Variants in WDR7 observed in about 807,000 individuals in gnomAD.
The protein encoded by WDR7 is WD repeat-containing protein 7.
In WDR7, 46 loss-of-function variants were observed where a neutral mutation model predicts 169.4. The observed-to-expected ratio is 0.27, with a 90% CI of 0.21 to 0.35. The LOEUF is 0.35. Ranked by LOEUF, WDR7 falls within the 10% of genes least tolerant of loss-of-function variation. WDR7 has a pLI of 1.00. For synonymous variants in WDR7, 612 were observed against 666.8 expected (o/e 0.92, Z 1.27); for missense variants, 1,534 against 1,859.3 (o/e 0.83, Z 3.22).
chr18:56,780,154 C>T (rs1010985823), intron 18 of WDR7, among the ~76,000 whole-genome samples: 1 of 152,160 alleles, frequency 6.6e-6, no homozygotes, highest in African/African-American at 2.4e-5. Flanking sequence ...GTACCTGACA[C>T]ATGGTAGGAG....
intron 15 of WDR7, among the ~76,000 whole-genome samples, chr18:56,757,623 ATATAAT>A (rs944086914): frequency 1.7e-4 from 26 of 152,168 alleles, no homozygotes; most frequent in African/African-American, 5.3e-4. Context: ...GCTCTTGTAA[ATATAAT>A]TATAAAATTG....
intron 2 of WDR7, among the ~76,000 whole-genome samples, chr18:56,678,234 C>T (rs1474735786): frequency 7.9e-5 from 12 of 152,188 alleles, no homozygotes; most frequent in Non-Finnish European, 1.8e-4. Flanking sequence ...AATTATCTGT[C>T]TGAACAGTCA....
At chr18:56,847,318 A>T (rs928468665) in intron 20 of WDR7, among the ~76,000 whole-genome samples, 2 of 152,358 alleles carry the variant, frequency 1.3e-5, no homozygotes, top group East Asian at 3.9e-4. Flanking sequence ...GTTGCAAGAC[A>T]TTCAAATAGT....
At chr18:56,983,515 G>C (rs2047673468) in intron 26 of WDR7, among the ~76,000 whole-genome samples, 1 of 151,784 alleles carries the variant, frequency 6.6e-6, no homozygotes, top group Non-Finnish European at 1.5e-5. Context: ...TTCTCTCCTA[G>C]TTAAAGTCTA....
At chr18:56,950,967 T>C (rs2047172534) in intron 25 of WDR7, among the ~76,000 whole-genome samples, 1 of 152,220 alleles carries the variant, frequency 6.6e-6, no homozygotes, top group Non-Finnish European at 1.5e-5. Flanking sequence ...TTCTGTAGGC[T>C]CAGGGCCCAT....
chr18:56,807,555 A>C (rs2044797191), intron 19 of WDR7, among the ~76,000 whole-genome samples: 1 of 152,146 alleles, frequency 6.6e-6, no homozygotes, highest in South Asian at 2.1e-4. Flanking sequence ...TCCCATTAAT[A>C]TTCTATTGAT....
Position 56,880,032 on chromosome 18 carries a change from A to T in WDR7, c.3393A>T (p.Gly1131=), listed in dbSNP as rs778313675. The part of the protein sequence containing the change: ...RKQATAIVLL[G]VIGAEFGAEI... ...AAGCTACCGCTATTGTTTTACTTGG[A>T]GTAATAGGAGCTGAATTTGGTGCTG... The change falls in exon 21 of 28, where the codon GGA becomes GGT. Residue 1131 remains glycine, a synonymous_variant. Transcript: ENST00000254442. 1.2e-6 allele frequency: 2 copies of T among 1,614,130 alleles called. No individual in the cohort carries two copies. Among genetic ancestry groups the T allele is most frequent in the Admixed American group, 1.7e-5 (1 of 60,012 alleles).
chr18:56,834,064 C>G (rs953168103), intron 20 of WDR7, among the ~76,000 whole-genome samples: 5 of 152,118 alleles, frequency 3.3e-5, no homozygotes, highest in Non-Finnish European at 5.9e-5. Context: ...CAATTCAGTT[C>G]CTTGCAGTTA....
chr18:56,974,362 CTTTT>C (rs34901751), intron 26 of WDR7, among the ~76,000 whole-genome samples: 1 of 111,812 alleles, frequency 8.9e-6, no homozygotes, highest in Non-Finnish European at 1.9e-5. Flanking sequence ...GCTTTTCTTG[CTTTT>C]TTTTTTTTTT....
At chr18:56,702,729 T>C (rs573338039) in intron 12 of WDR7, among the ~76,000 whole-genome samples, 5 of 152,224 alleles carry the variant, frequency 3.3e-5, no homozygotes, top group Non-Finnish European at 7.3e-5. Flanking sequence ...AGTAAAAATA[T>C]TAAAACCGAA....
intron 27 of WDR7, among the ~76,000 whole-genome samples, chr18:57,021,971 ACTT>A (rs1439615677): frequency 2.6e-5 from 4 of 152,240 alleles, no homozygotes; most frequent in Admixed American, 6.5e-5. Context: ...AATCTGTCAG[ACTT>A]CTTCTACTTT....
chr18:56,736,745 T>A (rs572351650), intron 14 of WDR7, among the ~76,000 whole-genome samples: 1 of 152,102 alleles, frequency 6.6e-6, no homozygotes, highest in African/African-American at 2.4e-5. Flanking sequence ...GAGCTGAGTA[T>A]AAGAAGTGGA....
At chr18:56,778,808 T>C (rs2044276492) in intron 17 of WDR7, among the ~76,000 whole-genome samples, 1 of 152,182 alleles carries the variant, frequency 6.6e-6, no homozygotes, top group South Asian at 2.1e-4. Flanking sequence ...AATTGTTAGG[T>C]TTTTATTTTG....
intron 20 of WDR7, among the ~76,000 whole-genome samples, chr18:56,842,511 A>G (rs1470224789): frequency 6.6e-6 from 1 of 152,168 alleles, no homozygotes; most frequent in African/African-American, 2.4e-5. Context: ...GCCATGTTGC[A>G]AGGTTTGATA....
chr18:56,700,160 A>G (rs1183857622), intron 12 of WDR7, among the ~76,000 whole-genome samples: 4 of 151,814 alleles, frequency 2.6e-5, no homozygotes, highest in East Asian at 1.9e-4. Context: ...AGTATTATGT[A>G]GAGTACTTAA....
intron 24 of WDR7, 49 bp downstream of exon 24, chr18:56,938,731 T>C: frequency 1.2e-6 from 2 of 1,600,020 alleles, no homozygotes; most frequent in Non-Finnish European, 1.7e-6. Context: ...AAATTAAATA[T>C]TCTAATGAAG....
intron 26 of WDR7, among the ~76,000 whole-genome samples, chr18:56,979,804 TAGA>T (rs1327084353): frequency 2.0e-5 from 3 of 152,248 alleles, no homozygotes; most frequent in South Asian, 2.1e-4. Flanking sequence ...TGGAGATAAT[TAGA>T]AGAACACTTT....
chr18:56,710,524 G>T (rs549380006), intron 12 of WDR7, among the ~76,000 whole-genome samples: 6 of 152,156 alleles, frequency 3.9e-5, no homozygotes, highest in African/African-American at 1.2e-4. Flanking sequence ...GTATTTAATT[G>T]TTCCCAGTAT....
chr18:56,779,796 A>G (rs1201889207), intron 18 of WDR7, among the ~76,000 whole-genome samples: 1 of 152,192 alleles, frequency 6.6e-6, no homozygotes, highest in African/African-American at 2.4e-5. Context: ...TATATACTTT[A>G]TGGAACTATT....
Sources: allele counts gnomAD v4.1 joint callset (sites outside exome capture counted in the v4.1 genomes callset), GRCh38; gene constraint gnomAD v4.1.1; transcripts MANE v1.5; gene names NCBI Gene and HGNC (gene_info 2026-07-23, HGNC 2026-07-21).